The following DLG1 variants were observed in gnomAD, a reference collection of about 807,000 sequenced individuals.
DLG1 encodes the protein disks large homolog 1.
Under a neutral mutation model 123.4 loss-of-function variants are expected in DLG1, and 42 were observed. The ratio of observed to expected loss-of-function variants is 0.34; its 90% CI spans 0.27 to 0.44. DLG1 has a LOEUF of 0.44. Ranked by LOEUF, DLG1 falls within the 20% of genes least tolerant of loss-of-function variation. The pLI, the probability that DLG1 is intolerant of heterozygous loss-of-function variation, is 1.00. For synonymous variants in DLG1, 317 were observed against 356.2 expected, an observed-to-expected ratio of 0.89 and a Z score of 1.24; for missense variants, 942 against 1,082.6, an observed-to-expected ratio of 0.87 and a Z score of 1.82.
At chr3:197,225,392 T>C (rs1739343740) in intron 4 of DLG1, among the ~76,000 whole-genome samples, 1 of 152,226 alleles carries the variant, frequency 6.6e-6, no homozygotes, top group Non-Finnish European at 1.5e-5. Flanking sequence ...ATGGTTCTTT[T>C]GGTGTTTATT....
intron 11 of DLG1, among the ~76,000 whole-genome samples, chr3:197,127,784 T>G (rs1179350741): frequency 2.0e-5 from 3 of 152,020 alleles, no homozygotes; most frequent in Non-Finnish European, 4.4e-5. Context: ...AATATTGCAA[T>G]AAAGCCTGTC....
At chr3:197,181,875 T>C (rs1712269233) in intron 5 of DLG1, among the ~76,000 whole-genome samples, 1 of 152,018 alleles carries the variant, frequency 6.6e-6, no homozygotes, top group South Asian at 2.1e-4. Context: ...CCAAACTGGG[T>C]GGGGGCTGTC....
At chr3:197,083,956 G>C (rs1752684021) in intron 16 of DLG1, among the ~76,000 whole-genome samples, 1 of 152,104 alleles carries the variant, frequency 6.6e-6, no homozygotes, top group Non-Finnish European at 1.5e-5. Context: ...GTGGGCGACA[G>C]AGCAAGACCT....
intron 1 of DLG1, 62 bp from the exon 2 acceptor site, chr3:197,297,297 A>G: frequency 6.3e-7 from 1 of 1,589,084 alleles, no homozygotes; most frequent in South Asian, 1.1e-5. Context: ...ATTTTCCCCT[A>G]TCGAAATAGA....
At chr3:197,279,142 C>T (rs1215994268) in intron 4 of DLG1, among the ~76,000 whole-genome samples, 1 of 152,146 alleles carries the variant, frequency 6.6e-6, no homozygotes, top group African/African-American at 2.4e-5. Flanking sequence ...CAAATGATCA[C>T]TTAGCCAAGT....
intron 13 of DLG1, among the ~76,000 whole-genome samples, chr3:197,106,015 T>C (rs1766134247): frequency 6.6e-6 from 1 of 152,236 alleles, no homozygotes. Flanking sequence ...CAGAAATTCT[T>C]GGGATCATAA....
At chr3:197,176,205 T>C (rs1253506502) in intron 5 of DLG1, among the ~76,000 whole-genome samples, 1 of 152,150 alleles carries the variant, frequency 6.6e-6, no homozygotes, top group Non-Finnish European at 1.5e-5. Context: ...TATATATTTT[T>C]TTAGAGCAGT....
intron 4 of DLG1, among the ~76,000 whole-genome samples, chr3:197,210,647 A>G (rs1730849766): frequency 7.0e-6 from 1 of 143,230 alleles, no homozygotes; most frequent in African/African-American, 2.5e-5. Flanking sequence ...ATAAGTCTTT[A>G]TAAGAAATAT....
intron 5 of DLG1, among the ~76,000 whole-genome samples, chr3:197,162,523 A>G (rs1799215134): frequency 6.6e-6 from 1 of 152,210 alleles, no homozygotes; most frequent in Non-Finnish European, 1.5e-5. Context: ...CCAGACTAAA[A>G]AAAGGGCTTA....
intron 10 of DLG1, among the ~76,000 whole-genome samples, chr3:197,131,263 G>T (rs1398601715): frequency 1.3e-5 from 2 of 152,118 alleles, no homozygotes; most frequent in Non-Finnish European, 1.5e-5. Context: ...CACTACCACA[G>T]AATATGAGAG....
At chr3:197,185,798 T>C (rs1473709577) in intron 5 of DLG1, among the ~76,000 whole-genome samples, 2 of 152,212 alleles carry the variant, frequency 1.3e-5, no homozygotes, top group South Asian at 4.1e-4. Flanking sequence ...TGAATACAAC[T>C]GTTGAATGCA....
chr3:197,153,127 C>T (rs1794765381), intron 5 of DLG1, among the ~76,000 whole-genome samples: 1 of 152,168 alleles, frequency 6.6e-6, no homozygotes, highest in Admixed American at 6.5e-5. Context: ...GCAAAACTCA[C>T]AAACTCCAGA....
intron 14 of DLG1, among the ~76,000 whole-genome samples, chr3:197,094,750 C>T (rs1379379040): frequency 6.6e-6 from 1 of 152,174 alleles, no homozygotes; most frequent in African/African-American, 2.4e-5. Context: ...CACTATCACT[C>T]TATTTGTTGA....
At chr3:197,145,993 CAAATAAATAAAT>C (rs376255058) in intron 6 of DLG1, among the ~76,000 whole-genome samples, 4 of 149,750 alleles carry the variant, frequency 2.7e-5, no homozygotes, top group East Asian at 1.9e-4. Context: ...GACACTGTCT[CAAATAAATAAAT>C]AAATAAATAA....
intron 23 of DLG1, 41 bp from the exon 24 acceptor site, chr3:197,051,709 A>G: frequency 6.9e-7 from 1 of 1,454,354 alleles, no homozygotes; most frequent in Non-Finnish European, 9.6e-7. Context: ...ACCAAATTAT[A>G]ATACTTTTAA....
intron 4 of DLG1, among the ~76,000 whole-genome samples, chr3:197,254,772 C>T (rs1213422470): frequency 6.6e-6 from 1 of 152,158 alleles, no homozygotes; most frequent in Admixed American, 6.5e-5. Context: ...TATTCAAAGG[C>T]TGAGCGTGGT....
intron 4 of DLG1, among the ~76,000 whole-genome samples, chr3:197,276,459 G>T (rs892344802): frequency 1.2e-4 from 19 of 152,250 alleles, no homozygotes; most frequent in African/African-American, 4.3e-4. Flanking sequence ...AATCAAATTT[G>T]TTAAAAATAT....
At chr3:197,235,972 A>G (rs559717478) in intron 4 of DLG1, among the ~76,000 whole-genome samples, 4 of 152,218 alleles carry the variant, frequency 2.6e-5, no homozygotes, top group South Asian at 4.2e-4. Flanking sequence ...ACGTGCTGGG[A>G]AAAAAAACCT....
intron 14 of DLG1, among the ~76,000 whole-genome samples, chr3:197,100,023 G>A (rs569639478): frequency 2.0e-5 from 3 of 152,170 alleles, no homozygotes; most frequent in Admixed American, 6.5e-5. Context: ...CAGCACGTGC[G>A]TAAGTGGACA....
Sources: gnomAD v4.1 joint callset for allele counts (sites outside exome capture counted in the v4.1 genomes callset) on GRCh38, gnomAD v4.1.1 for gene constraint, MANE v1.5 for transcripts, NCBI Gene and HGNC (gene_info 2026-07-23, HGNC 2026-07-21) for gene names.